ANKRD6: variants seen among roughly 807,000 people sequenced by gnomAD.
ANKRD6 encodes ankyrin repeat domain 6.
In ANKRD6, 56 loss-of-function variants were observed where a neutral mutation model predicts 82.3. The ratio of observed to expected loss-of-function variants is 0.68; its 90% CI spans 0.55 to 0.85. ANKRD6 has a LOEUF of 0.85. ANKRD6 is among the 40% of genes least tolerant of loss of function. The pLI is 0.00. For synonymous variants in ANKRD6, 347 were observed against 352.1 expected (o/e 0.99, Z 0.16); for missense variants, 852 against 907.6 (o/e 0.94, Z 0.79).
chr6:89,602,969 A>T, intron 3 of ANKRD6, 60 bp from the exon 4 acceptor site: 3 of 1,371,056 alleles, frequency 2.2e-6, no homozygotes, highest in Non-Finnish European at 3.0e-6. Context: ...TCAAGTGAGT[A>T]GTGCAAGCAG....
At chr6:89,533,328 C>T (rs1388800530) in intron 1 of ANKRD6, among the ~76,000 whole-genome samples, 1 of 152,128 alleles carries the variant, frequency 6.6e-6, no homozygotes, top group Non-Finnish European at 1.5e-5. Context: ...GTCATGTAGT[C>T]GTATAGAAGC....
intron 1 of ANKRD6, among the ~76,000 whole-genome samples, chr6:89,469,749 T>C (rs998365465): frequency 6.6e-6 from 1 of 152,216 alleles, no homozygotes; most frequent in African/African-American, 2.4e-5. Context: ...TGGACCCTTA[T>C]TACTCTTGCC....
intron 2 of ANKRD6, among the ~76,000 whole-genome samples, chr6:89,582,718 A>G (rs1249187496): frequency 6.6e-6 from 1 of 151,770 alleles, no homozygotes; most frequent in African/African-American, 2.4e-5. Flanking sequence ...GTCTCTCACA[A>G]TCTTTCCTTA....
chr6:89,458,949 C>T (rs963375091), intron 1 of ANKRD6, among the ~76,000 whole-genome samples: 26 of 152,242 alleles, frequency 1.7e-4, no homozygotes, highest in African/African-American at 6.0e-4. Flanking sequence ...GCCACCCCCA[C>T]ATTTGACATG....
intron 1 of ANKRD6, among the ~76,000 whole-genome samples, chr6:89,466,794 C>T (rs955706128): frequency 6.6e-6 from 1 of 152,150 alleles, no homozygotes; most frequent in African/African-American, 2.4e-5. Context: ...GCAGCCTCAA[C>T]CTCCCAGGCT....
At chr6:89,549,467 G>A (rs1785529262) in intron 1 of ANKRD6, among the ~76,000 whole-genome samples, 2 of 139,432 alleles carry the variant, frequency 1.4e-5, no homozygotes, top group African/African-American at 5.3e-5. Context: ...CAAGATGATA[G>A]CTTCTCAATC....
intron 2 of ANKRD6, among the ~76,000 whole-genome samples, chr6:89,574,987 A>G (rs1179000893): frequency 6.6e-6 from 1 of 152,242 alleles, no homozygotes; most frequent in Non-Finnish European, 1.5e-5. Context: ...TAGGTTCAAA[A>G]GAGTGTGGAT....
intron 1 of ANKRD6, among the ~76,000 whole-genome samples, chr6:89,502,688 T>C (rs1337914057): frequency 6.6e-6 from 1 of 152,216 alleles, no homozygotes; most frequent in African/African-American, 2.4e-5. Context: ...GGGACCCTTT[T>C]TGAGCTTTTG....
chr6:89,605,617 C>T (rs1798344461), intron 4 of ANKRD6, among the ~76,000 whole-genome samples: 1 of 152,146 alleles, frequency 6.6e-6, no homozygotes, highest in Non-Finnish European at 1.5e-5. Context: ...AGAGCAGACT[C>T]TAAGGGTGGT....
intron 1 of ANKRD6, among the ~76,000 whole-genome samples, chr6:89,468,344 C>G (rs758991855): frequency 5.3e-5 from 8 of 152,060 alleles, no homozygotes; most frequent in Non-Finnish European, 1.0e-4. Flanking sequence ...AAATTTGTAT[C>G]AATCAGCAGA....
rs140154362 is a variant in ANKRD6, at chr6:89,506,376, G to A, written c.-143-60458G>A. On this transcript the variant is annotated intron_variant, in intron 1 of 15. Coordinates refer to ENST00000339746, the MANE Select transcript of ANKRD6 (RefSeq NM_001242809.2). Reference sequence around the variant, plus strand: ...GTCACCCAGGCTGGGGTGCAGTGGCGCAATCTCAGCTCACTGCAACCTCCA... The same window carrying A: ...GTCACCCAGGCTGGGGTGCAGTGGCACAATCTCAGCTCACTGCAACCTCCA... Among the ~76,000 whole-genome samples the A allele has an allele frequency of 5.5e-3, 836 of 152,110 alleles. 23 individuals are homozygous for A. The highest frequency in any genetic ancestry group is 0.044 in the Admixed American group (671 of 15,280).
rs191582508 is a variant in ANKRD6, at chr6:89,508,361, A to G, written c.-143-58473A>G. Reference sequence around the variant, plus strand: ...CCTTAAAGGATAGCTCTGGTCAGGTACAAATGGGTGTTGACAGTAAGTGAC... The same window carrying G: ...CCTTAAAGGATAGCTCTGGTCAGGTGCAAATGGGTGTTGACAGTAAGTGAC... On this transcript the variant is annotated intron_variant, in intron 1 of 15. Transcript: ENST00000339746. Among the ~76,000 whole-genome samples, 354 of 152,334 alleles carry G rather than the reference A, an allele frequency of 2.3e-3. 1 individual carries two copies. Among genetic ancestry groups the G allele is most frequent in the African/African-American group, 8.3e-3 (343 of 41,560 alleles).
In ANKRD6 at chr6:89,451,762, G is replaced by A. The variant is rs752688229; in HGVS notation, c.-144+18387G>A. ...GTGTTAAAAGTGACCATGTTTTTGTGCATCTAAAAATAGAACATAAAATAT... is the reference window on the plus strand; with the variant it reads ...GTGTTAAAAGTGACCATGTTTTTGTACATCTAAAAATAGAACATAAAATAT... On this transcript the variant is annotated intron_variant, in intron 1 of 15. Transcript: ENST00000339746. 8.1e-4 allele frequency among the ~76,000 whole-genome samples: 123 copies of A among 152,276 alleles called. 1 individual carries two copies. Among genetic ancestry groups the A allele is most frequent in the Non-Finnish European group, 1.2e-3 (85 of 68,026 alleles).
In ANKRD6 at chr6:89,626,011, A is replaced by T. The variant is rs187752730; in HGVS notation, c.1371+1320A>T. Among the ~76,000 whole-genome samples, 20 of 152,300 alleles carry T rather than the reference A, an allele frequency of 1.3e-4. 1 individual carries two copies. The East Asian group carries it at 3.7e-3, about 28-fold the overall frequency. ...TGGCCTCCCAAGGTGCTGGGATTTT[A>T]GGTGTGATCCACCATGCCCTGCCCT... On this transcript the variant is annotated intron_variant, in intron 13 of 15. Transcript: ENST00000339746.
At chr6:89,617,734 T>G (rs957045803) in intron 8 of ANKRD6, among the ~76,000 whole-genome samples, 1 of 152,226 alleles carries the variant, frequency 6.6e-6, no homozygotes, top group African/African-American at 2.4e-5. Flanking sequence ...GTGTCATATA[T>G]TTTACTTAGC....
At chr6:89,498,527 T>TATA (rs67448661) in intron 1 of ANKRD6, among the ~76,000 whole-genome samples, 12 of 88,404 alleles carry the variant, frequency 1.4e-4, no homozygotes, top group Non-Finnish European at 2.3e-4. Context: ...TATATATATA[T>TATA]TTTTTTTTAC....
chr6:89,481,671 A>G (rs1776827682), intron 1 of ANKRD6, among the ~76,000 whole-genome samples: 1 of 151,810 alleles, frequency 6.6e-6, no homozygotes, highest in South Asian at 2.1e-4. Context: ...TGGTAGTGGC[A>G]GGAATACTGC....
chr6:89,518,201 G>T (rs1405857388), intron 1 of ANKRD6, among the ~76,000 whole-genome samples: 1 of 151,950 alleles, frequency 6.6e-6, no homozygotes, highest in African/African-American at 2.4e-5. Context: ...TCCAGAGTTC[G>T]TGACCAGCCT....
At chr6:89,629,354 A>G (rs1212543870) in intron 15 of ANKRD6, 116 bp downstream of exon 15, 1 of 1,444,838 alleles carries the variant, frequency 6.9e-7, no homozygotes, top group Non-Finnish European at 9.5e-7. Flanking sequence ...CTGGATGGTA[A>G]AGTGCACTCT....
Sources: allele counts gnomAD v4.1 joint callset (sites outside exome capture counted in the v4.1 genomes callset), GRCh38; gene constraint gnomAD v4.1.1; transcripts MANE v1.5; gene names NCBI Gene and HGNC (gene_info 2026-07-23, HGNC 2026-07-21).